The following MYH3 variants were observed in gnomAD, a reference collection of about 807,000 sequenced individuals.
MYH3 encodes myosin-3.
In MYH3, 130 loss-of-function variants were observed where a neutral mutation model predicts 238.0. The ratio of observed to expected loss-of-function variants is 0.55; its 90% CI spans 0.47 to 0.63. The LOEUF (loss-of-function observed/expected upper bound fraction) is 0.63. MYH3 is among the 30% of genes least tolerant of loss of function. MYH3 has a pLI of 0.00. For missense variants in MYH3, 1,853 were observed against 2,374.9 expected, an observed-to-expected ratio of 0.78 and a Z score of 4.57; for synonymous variants, 880 against 924.1, an observed-to-expected ratio of 0.95 and a Z score of 0.86.
At chr17:10,667,889 A>G in the MYH3 span, among the ~76,000 whole-genome samples, 2 of 152,192 alleles carry the variant, frequency 1.3e-5, no homozygotes, top group East Asian at 1.9e-4. Context: ...TTCTTATATG[A>G]TTTTGACTTT....
intron 12 of MYH3, 30 bp downstream of exon 12, chr17:10,645,677 C>T (rs1749136650): frequency 6.2e-7 from 1 of 1,611,616 alleles, no homozygotes; most frequent in South Asian, 1.1e-5. Context: ...CAGCCACCCG[C>T]TCTGGTTTGC....
At chr17:10,672,141 A>G in the MYH3 span, among the ~76,000 whole-genome samples, 1 of 152,066 alleles carries the variant, frequency 6.6e-6, no homozygotes, top group Admixed American at 6.6e-5. Context: ...GTATTGTAAA[A>G]CTCATGTTCA....
At chr17:10,665,833 G>T in the MYH3 span, among the ~76,000 whole-genome samples, 1 of 152,146 alleles carries the variant, frequency 6.6e-6, no homozygotes, top group East Asian at 1.9e-4. Flanking sequence ...GCCACAGGAG[G>T]ACATTCTGCC....
At position 10,628,614 on chromosome 17, in the gene MYH3, C is replaced by A. The variant is rs372305218; in HGVS notation, c.*39G>T. 1.2e-6 allele frequency: 2 copies of A among 1,608,744 alleles called. No individual in the cohort carries two copies. The highest frequency in any genetic ancestry group is 1.7e-5 in the Admixed American group (1 of 59,992). ...AATGGTCAGGAATCAAGAAAATATA[C>A]ATTTTGCATATCTTCTGTCCTGCTC... On this transcript the variant is annotated 3_prime_UTR_variant, in exon 41 of 41. Coordinates refer to ENST00000583535, the MANE Select transcript of MYH3 (RefSeq NM_002470.4).
At chr17:10,641,223 T>C (rs748570282) in intron 18 of MYH3, 21 bp from the exon 19 acceptor site, 1 of 1,611,888 alleles carries the variant, frequency 6.2e-7, no homozygotes, top group Non-Finnish European at 8.5e-7. Context: ...AAGCGAGATA[T>C]CAGCCTTACA....
At position 10,649,828 on chromosome 17, in the gene MYH3, A is replaced by G. The variant is rs564464515; in HGVS notation, c.534-143T>C. The G allele has an allele frequency of 7.6e-5, 59 of 779,558 alleles. No individual in the cohort carries two copies. In the African/African-American group the frequency reaches 9.2e-4, roughly 12 times the overall value. 48.3% of individuals were successfully genotyped at this position (779,558 alleles called of 1,614,324 possible). On this transcript the variant is annotated intron_variant, in intron 6 of 40. Transcript: ENST00000583535. ...ACACTAATGTGACAGACCACTTGAG[A>G]AGGCAGACGCCCAGGGCACAGGTGC...
chr17:10,670,866 A>G, the MYH3 span, among the ~76,000 whole-genome samples: 3 of 152,022 alleles, frequency 2.0e-5, no homozygotes, highest in Non-Finnish European at 4.4e-5. This position sits in a 1 kb window ranked among gnomAD's most constrained non-coding sequence, Gnocchi z 7.0. Flanking sequence ...TGAATGTACC[A>G]CTGTTTTATC....
chr17:10,646,732 T>G (rs145016941), intron 10 of MYH3, among the ~76,000 whole-genome samples: 1 of 152,102 alleles, frequency 6.6e-6, no homozygotes, highest in Admixed American at 6.5e-5. Flanking sequence ...ACTGCCCAGA[T>G]AGCCACATCC....
chr17:10,636,865 G>T (rs1230026608), intron 28 of MYH3, among the ~76,000 whole-genome samples: 3 of 149,424 alleles, frequency 2.0e-5, no homozygotes, highest in Non-Finnish European at 4.5e-5. Flanking sequence ...AGTGAGCCGA[G>T]ATCACACAAT....
At chr17:10,655,898 C>A (rs1443144267) in intron 2 of MYH3, among the ~76,000 whole-genome samples, 192 bp downstream of exon 2, 1 of 152,158 alleles carries the variant, frequency 6.6e-6, no homozygotes, top group Non-Finnish European at 1.5e-5. Context: ...GATCTGCCCA[C>A]CTCGGCCTCT....
chr17:10,644,677 C>T lies in MYH3; in HGVS notation c.1167G>A (p.Met389Ile). The T allele has an allele frequency of 6.2e-7, 1 of 1,613,874 alleles. No individual in the cohort carries two copies. The highest frequency in any genetic ancestry group is 1.3e-5 in the African/African-American group (1 of 75,048). The change falls in exon 13 of 41, where the codon ATG becomes ATA. Residue 389 changes from methionine (M) to isoleucine (I), a missense_variant. Met to Ile is a conservative substitution (Grantham distance 10). This residue lies in a region of MYH3 where 678 missense variants were observed against 1,058.9 expected (regional missense o/e 0.64). Transcript: ENST00000583535. The stretch of plus-strand genomic sequence containing the variant: ...TTAGGAGGTCCGAAGAGTTCAGGCC[C>T]ATCAGATAGGCTGTTTTGTCAGCCA... ...TEVADKTAYL[M>I]GLNSSDLLKA...
At chr17:10,675,854 TTTCCC>T in the MYH3 span, 1 of 152,186 alleles carries the variant, frequency 6.6e-6, no homozygotes, top group Non-Finnish European at 1.5e-5. Flanking sequence ...GAGGGTTGTC[TTTCCC>T]TAGGGTTGTG....
chr17:10,632,926 A>G lies in MYH3; in HGVS notation c.4648-142T>C, dbSNP rs539555876. On this transcript the variant is annotated intron_variant, in intron 33 of 40. Coordinates refer to ENST00000583535, the MANE Select transcript of MYH3 (RefSeq NM_002470.4). ...ACAATTCACTTTTTAAATGTCCCCA[A>G]ATTGGCCGGGTGCAGTGGTTCACAC... 2.3e-4 allele frequency: 231 copies of G among 983,828 alleles called. 1 individual carries two copies. The African/African-American group carries it at 3.3e-3, about 14-fold the overall frequency. 60.9% of individuals were successfully genotyped at this position (983,828 alleles called of 1,614,324 possible). A position where few individuals can be genotyped will look rare whatever the true frequency, so the allele number is the denominator to read the frequency against.
chr17:10,641,391 G>A lies in MYH3; in HGVS notation c.1960-19C>T, dbSNP rs778006558. ...GGTTTTCCTAAGAGAAAAAAAAAAT[G>A]ACATTTGCCATCCTACTGTAGGTTT... On this transcript the variant is annotated intron_variant, in intron 17 of 40. Coordinates refer to ENST00000583535, the MANE Select transcript of MYH3 (RefSeq NM_002470.4). The A allele has an allele frequency of 4.6e-6, 7 of 1,513,654 alleles. No homozygotes were observed. The highest frequency in any genetic ancestry group is 3.4e-5 in the South Asian group (3 of 88,678). The allele number at this position is 1,513,654 out of a possible 1,614,324, so 93.8% of individuals were successfully genotyped here. A position where few individuals can be genotyped will look rare whatever the true frequency, so the allele number is the denominator to read the frequency against.
chr17:10,671,572 A>AG, the MYH3 span, among the ~76,000 whole-genome samples: 1 of 82,308 alleles, frequency 1.2e-5, no homozygotes. Flanking sequence ...TCTCAGGGTC[A>AG]TTTTTTTTTT....
chr17:10,667,719 A>G, the MYH3 span, among the ~76,000 whole-genome samples: 1 of 151,422 alleles, frequency 6.6e-6, no homozygotes, highest in South Asian at 2.1e-4. Flanking sequence ...GGTCTCTATG[A>G]GCTGAAATAG....
intron 36 of MYH3, among the ~76,000 whole-genome samples, chr17:10,631,166 G>A (rs765622898): frequency 6.6e-5 from 10 of 152,174 alleles, no homozygotes; most frequent in Non-Finnish European, 1.5e-4. Context: ...GTGAGATTAA[G>A]GGAAGGCCTC....
At chr17:10,673,655 G>A in the MYH3 span, 1 of 152,166 alleles carries the variant, frequency 6.6e-6, no homozygotes, top group Admixed American at 6.5e-5. Context: ...ACTGCACTAG[G>A]GCCAACAGAG....
intron 5 of MYH3, among the ~76,000 whole-genome samples, 186 bp downstream of exon 5, chr17:10,651,326 A>C (rs889923494): frequency 6.6e-6 from 1 of 152,242 alleles, no homozygotes; most frequent in Non-Finnish European, 1.5e-5. Flanking sequence ...CATTAAATCC[A>C]AAACTCGTCA....
Sources: gnomAD v4.1 joint callset for allele counts (sites outside exome capture counted in the v4.1 genomes callset) on GRCh38, gnomAD v4.1.1 for gene constraint, gnomAD v4.1.1 regional missense constraint, Gnocchi (gnomAD v3.1) non-coding constraint, MANE v1.5 for transcripts, NCBI Gene and HGNC (gene_info 2026-07-23, HGNC 2026-07-21) for gene names.